Variants in RBM33 observed in about 807,000 individuals in gnomAD.
RBM33 encodes the protein RNA binding motif protein 33.
RBM33 carries 28 observed loss-of-function variants against 132.6 expected under a neutral mutation model. The observed-to-expected ratio is 0.21, with a 90% CI of 0.16 to 0.29. The LOEUF is 0.29. Among genes scored for constraint, RBM33 ranks in the 10% least tolerant of loss-of-function variants. The probability of loss-of-function intolerance (pLI) is 1.00; values close to 1 mark genes in which losing one functional copy is unlikely to be tolerated. For missense variants in RBM33, 1,291 were observed against 1,518.5 expected (o/e 0.85, Z 2.49); for synonymous variants, 634 against 593.0 (o/e 1.07, Z -1.01).
At chr7:155,670,021 C>CTT (rs1798904124) in intron 2 of RBM33, among the ~76,000 whole-genome samples, 1 of 152,200 alleles carries the variant, frequency 6.6e-6, no homozygotes, top group East Asian at 1.9e-4. Context: ...CCAGAGACTA[C>CTT]AGCCCCACTT....
At chr7:155,749,993 C>T (rs931897145) in intron 14 of RBM33, among the ~76,000 whole-genome samples, 4 of 152,156 alleles carry the variant, frequency 2.6e-5, no homozygotes, top group African/African-American at 7.2e-5. Flanking sequence ...TTTCTGTGTA[C>T]GTGAATTTCC....
intron 14 of RBM33, among the ~76,000 whole-genome samples, chr7:155,763,345 C>T (rs904152166): frequency 3.9e-5 from 6 of 152,170 alleles, no homozygotes; most frequent in Admixed American, 2.0e-4. Context: ...GACTTACAGT[C>T]GCAACCAGCA....
At chr7:155,683,425 C>T (rs765600290) in intron 5 of RBM33, among the ~76,000 whole-genome samples, 3 of 152,126 alleles carry the variant, frequency 2.0e-5, no homozygotes, top group Non-Finnish European at 2.9e-5. Flanking sequence ...TTTTTGTTCT[C>T]CCTTGGGTTG....
At chr7:155,672,846 G>A in intron 2 of RBM33, 21 bp from the exon 3 acceptor site, 8 of 1,531,890 alleles carry the variant, frequency 5.2e-6, no homozygotes, top group Non-Finnish European at 7.1e-6. Context: ...TCATTGACAT[G>A]TCTCTTTTTT....
intron 4 of RBM33, among the ~76,000 whole-genome samples, chr7:155,679,431 TTAGACTC>T (rs1799276287): frequency 6.6e-6 from 1 of 152,272 alleles, no homozygotes; most frequent in East Asian, 1.9e-4. Context: ...AGGTGCTACT[TTAGACTC>T]TAGTTGACTG....
At chr7:155,695,014 C>T (rs935030639) in intron 5 of RBM33, among the ~76,000 whole-genome samples, 11 of 152,248 alleles carry the variant, frequency 7.2e-5, no homozygotes, top group Admixed American at 1.3e-4. Context: ...GCACTCCCAC[C>T]GGTACTGTGG....
chr7:155,754,644 G>T (rs1213539364), intron 14 of RBM33, among the ~76,000 whole-genome samples: 1 of 152,240 alleles, frequency 6.6e-6, no homozygotes, highest in Non-Finnish European at 1.5e-5. Context: ...TTCCTTCAAA[G>T]GTCAGCTAAT....
intron 5 of RBM33, among the ~76,000 whole-genome samples, chr7:155,690,897 A>G (rs1306389398): frequency 3.9e-5 from 6 of 152,048 alleles, no homozygotes; most frequent in Non-Finnish European, 7.4e-5. Context: ...GGCTACCCTT[A>G]ATATTTTTTC....
intron 4 of RBM33, 26 bp from the exon 5 acceptor site, chr7:155,680,561 CTTT>C: frequency 9.1e-7 from 1 of 1,097,502 alleles, no homozygotes; most frequent in Non-Finnish European, 1.2e-6. Context: ...TCATTGGGTG[CTTT>C]TTTTTTTTAT....
rs1802748440 is a variant in RBM33 at position 155,779,725 on chromosome 7, T to C, written c.*4684T>C. Reference sequence around the variant, plus strand: ...TGGAAAAGGCCGTTTGCCTCACACATTGTAACCTGCCTTGGCTAGAAAATG... The same window carrying C: ...TGGAAAAGGCCGTTTGCCTCACACACTGTAACCTGCCTTGGCTAGAAAATG... On this transcript the variant is annotated 3_prime_UTR_variant, in exon 18 of 18. Transcript: ENST00000401878. 1 of 152,226 alleles carries C rather than the reference T, an allele frequency of 6.6e-6. No individual in the cohort carries two copies. The highest frequency in any genetic ancestry group is 2.4e-5 in the African/African-American group (1 of 41,466). The allele number at this position is 152,226 out of a possible 1,614,324, so 9.4% of individuals were successfully genotyped here.
chr7:155,673,940 G>GTTGTTGTTTGTTTTTTGTTTTTTTT, intron 3 of RBM33, among the ~76,000 whole-genome samples: 1 of 54,214 alleles, frequency 1.8e-5, no homozygotes, highest in African/African-American at 8.3e-5. Context: ...TTTAGGCTTA[G>GTTGTTGTTTGTTTTTTGTTTTTTTT]TTTTTTTTTT....
Position 155,775,329 on chromosome 7 carries a change from G to T in RBM33, c.*288G>T. ...TTTCAAAGTGCTTACAATGCATGTA[G>T]ACATTGTTCTTTGTGGTCTGACTCT... On this transcript the variant is annotated 3_prime_UTR_variant, in exon 18 of 18. Coordinates refer to ENST00000401878, the MANE Select transcript of RBM33 (RefSeq NM_053043.3). The T allele has an allele frequency of 1.8e-6, 1 of 554,470 alleles. No homozygotes were observed. The highest frequency in any genetic ancestry group is 2.0e-5 in the South Asian group (1 of 50,444). 34.3% of individuals were successfully genotyped at this position (554,470 alleles called of 1,614,324 possible).
At chr7:155,667,078 T>C (rs1473810363) in intron 2 of RBM33, among the ~76,000 whole-genome samples, 1 of 152,206 alleles carries the variant, frequency 6.6e-6, no homozygotes, top group African/African-American at 2.4e-5. Context: ...ATACTGTATA[T>C]GTAAAATTTT....
At chr7:155,656,553 A>C (rs1798496262) in intron 1 of RBM33, among the ~76,000 whole-genome samples, 1 of 152,210 alleles carries the variant, frequency 6.6e-6, no homozygotes, top group African/African-American at 2.4e-5. Context: ...CATGTGTTTC[A>C]GTCAAAAAAC....
intron 1 of RBM33, among the ~76,000 whole-genome samples, chr7:155,658,986 G>A (rs920313074): frequency 1.1e-4 from 16 of 152,124 alleles, no homozygotes; most frequent in African/African-American, 3.4e-4. Flanking sequence ...CTACCAGGTC[G>A]CTGGTTGATT....
chr7:155,656,035 T>G (rs1350987461), intron 1 of RBM33, among the ~76,000 whole-genome samples: 1 of 152,230 alleles, frequency 6.6e-6, no homozygotes, highest in Non-Finnish European at 1.5e-5. Context: ...GGCGGATACA[T>G]TCTTGAAAAT....
intron 5 of RBM33, among the ~76,000 whole-genome samples, chr7:155,688,388 G>A (rs1680822745): frequency 6.6e-6 from 1 of 152,126 alleles, no homozygotes; most frequent in African/African-American, 2.4e-5. Flanking sequence ...TGAGACGATG[G>A]GGTTTTCTAA....
chr7:155,645,113 T>C (rs1221790490), intron 1 of RBM33, 194 bp downstream of exon 1: 4 of 497,928 alleles, frequency 8.0e-6, no homozygotes, highest in Non-Finnish European at 1.4e-5. Context: ...TCCTCTCCGC[T>C]GTGCAGATCG....
intron 1 of RBM33, 27 bp downstream of exon 1, chr7:155,644,946 G>T (rs752396618): frequency 8.1e-6 from 12 of 1,476,174 alleles, no homozygotes; most frequent in Non-Finnish European, 1.1e-5. Context: ...GACTCTGGGG[G>T]CCAGGACCGC....
Sources: gnomAD v4.1 joint callset for allele counts (sites outside exome capture counted in the v4.1 genomes callset) on GRCh38, gnomAD v4.1.1 for gene constraint, MANE v1.5 for transcripts, NCBI Gene and HGNC (gene_info 2026-07-23, HGNC 2026-07-21) for gene names.